Variants in TRPC5 observed in about 807,000 individuals in gnomAD.
TRPC5 encodes the protein transient receptor potential cation channel subfamily C member 5.
A neutral mutation model predicts 56.5 loss-of-function variants in TRPC5; 9 were observed. The ratio of observed to expected loss-of-function variants is 0.16; its 90% CI spans 0.10 to 0.28. The LOEUF (loss-of-function observed/expected upper bound fraction) is 0.28. Among genes scored for constraint, TRPC5 ranks in the 10% least tolerant of loss-of-function variants. The pLI, the probability that TRPC5 is intolerant of heterozygous loss-of-function variation, is 1.00. For missense variants in TRPC5, 469 were observed against 748.9 expected (o/e 0.63, Z 4.36); for synonymous variants, 282 against 278.5 (o/e 1.01, Z -0.13).
At chrX:112,045,179 C>T (rs1929987835) in intron 1 of TRPC5, among the ~76,000 whole-genome samples, 1 of 111,595 alleles carries the variant, frequency 9.0e-6, no homozygotes, top group African/African-American at 3.3e-5. Context: ...AATTTAAAAA[C>T]AGGGAGATTA....
At chrX:111,789,859 A>T (rs1372479438) in intron 7 of TRPC5, among the ~76,000 whole-genome samples, 6 of 112,631 alleles carry the variant, frequency 5.3e-5, no homozygotes, top group Admixed American at 9.4e-5. Context: ...CCACAATAAG[A>T]TACCATCTCA....
chrX:111,811,401 G>A (rs1417305687), intron 7 of TRPC5, among the ~76,000 whole-genome samples: 3 of 112,445 alleles, frequency 2.7e-5, no homozygotes, highest in Admixed American at 9.4e-5. Context: ...TTTTATGTAC[G>A]TGCACACGCT....
At chrX:111,976,198 A>G (rs112180034) in intron 1 of TRPC5, among the ~76,000 whole-genome samples, 13,024 of 110,934 alleles carry the variant, frequency 0.12, 632 homozygotes, top group African/African-American at 0.16. Context: ...TGAGGTGGGA[A>G]GATTGCTTGA....
intron 7 of TRPC5, among the ~76,000 whole-genome samples, chrX:111,810,885 T>C (rs1921683358): frequency 8.9e-6 from 1 of 112,366 alleles, no homozygotes; most frequent in Non-Finnish European, 1.9e-5. Context: ...GTTTTAACAT[T>C]ATTACCTTAT....
chrX:111,846,196 T>C (rs189279817), intron 6 of TRPC5, among the ~76,000 whole-genome samples: 1 of 111,843 alleles, frequency 8.9e-6, no homozygotes, highest in East Asian at 2.8e-4. Flanking sequence ...AAAAATTGTA[T>C]CTTAGTTTAA....
chrX:111,968,815 G>T (rs1274660006), intron 1 of TRPC5, among the ~76,000 whole-genome samples: 1 of 75,102 alleles, frequency 1.3e-5, no homozygotes, highest in Non-Finnish European at 2.4e-5. Flanking sequence ...TCACACTCTG[G>T]GGACTGTTGT....
At chrX:111,974,829 C>T (rs1927876696) in intron 1 of TRPC5, among the ~76,000 whole-genome samples, 1 of 111,569 alleles carries the variant, frequency 9.0e-6, no homozygotes, top group Non-Finnish European at 1.9e-5. Flanking sequence ...ACTGTCTGTA[C>T]CCACAAAAAT....
chrX:111,804,785 T>A (rs776058903), intron 7 of TRPC5, among the ~76,000 whole-genome samples: 1 of 111,959 alleles, frequency 8.9e-6, no homozygotes, highest in Admixed American at 9.5e-5. Flanking sequence ...TACAATCATG[T>A]CATCTGCAAA....
intron 3 of TRPC5, among the ~76,000 whole-genome samples, chrX:111,909,154 A>ATT (rs1249318296): frequency 1.6e-4 from 4 of 24,427 alleles, no homozygotes; most frequent in Admixed American, 4.2e-4. Flanking sequence ...AAATTAATTA[A>ATT]AAAAAAAAAA....
intron 7 of TRPC5, among the ~76,000 whole-genome samples, chrX:111,794,132 T>C (rs1158130662): frequency 1.8e-5 from 2 of 112,082 alleles, no homozygotes; most frequent in Non-Finnish European, 3.8e-5. Flanking sequence ...GCTGCACATA[T>C]ATTCAAATAT....
At chrX:111,876,752 T>C (rs1316261534) in intron 3 of TRPC5, among the ~76,000 whole-genome samples, 1 of 112,180 alleles carries the variant, frequency 8.9e-6, no homozygotes, top group Non-Finnish European at 1.9e-5. Flanking sequence ...GGTTATCATA[T>C]ACTTCTCTGA....
chrX:111,806,733 A>G (rs1360786116), intron 7 of TRPC5, among the ~76,000 whole-genome samples: 1 of 111,960 alleles, frequency 8.9e-6, no homozygotes, highest in Admixed American at 9.5e-5. Flanking sequence ...AAATCAAGCT[A>G]ATTAACATAT....
chrX:111,792,005 C>T (rs746589646), intron 7 of TRPC5, among the ~76,000 whole-genome samples: 2 of 112,241 alleles, frequency 1.8e-5, no homozygotes, highest in South Asian at 3.7e-4. Context: ...GACACATGCA[C>T]ATGTATGTTT....
chrX:111,995,893 G>A (rs1366702750), intron 1 of TRPC5, among the ~76,000 whole-genome samples: 8 of 108,570 alleles, frequency 7.4e-5, no homozygotes, highest in African/African-American at 2.0e-4. Flanking sequence ...TCTTGCTAGC[G>A]GTCTATCAAT....
intron 7 of TRPC5, among the ~76,000 whole-genome samples, chrX:111,792,515 T>C (rs1946030698): frequency 8.9e-6 from 1 of 111,868 alleles, no homozygotes; most frequent in Non-Finnish European, 1.9e-5. Flanking sequence ...CAGTAATGCC[T>C]GAAGTCAATC....
At chrX:111,929,617 T>C (rs1034478605) in intron 2 of TRPC5, among the ~76,000 whole-genome samples, 1 of 112,431 alleles carries the variant, frequency 8.9e-6, no homozygotes, top group Non-Finnish European at 1.9e-5. Context: ...TTATATTTAC[T>C]GGGGCTTTGT....
chrX:111,821,220 T>G (rs1922019239), intron 7 of TRPC5, among the ~76,000 whole-genome samples: 1 of 111,851 alleles, frequency 8.9e-6, no homozygotes, highest in Admixed American at 9.5e-5. Context: ...TCTTTGTGAT[T>G]AGCTCACAAT....
At chrX:111,917,007 C>T (rs369756715) in intron 2 of TRPC5, among the ~76,000 whole-genome samples, 3 of 112,926 alleles carry the variant, frequency 2.7e-5, no homozygotes, top group East Asian at 2.8e-4. Context: ...CTGTTGACCA[C>T]GGGGAACCAC....
intron 2 of TRPC5, among the ~76,000 whole-genome samples, chrX:111,928,854 G>A (rs964875893): frequency 8.9e-6 from 1 of 112,293 alleles, no homozygotes; most frequent in Non-Finnish European, 1.9e-5. Context: ...AGCAAAGACA[G>A]TTTACACATA....
Sources: allele counts gnomAD v4.1 joint callset (sites outside exome capture counted in the v4.1 genomes callset), GRCh38; gene constraint gnomAD v4.1.1; transcripts MANE v1.5; gene names NCBI Gene and HGNC (gene_info 2026-07-23, HGNC 2026-07-21).